The following CACNA2D3 variants were observed in gnomAD, a reference collection of about 807,000 sequenced individuals.
The protein encoded by CACNA2D3 is calcium voltage-gated channel auxiliary subunit alpha2delta 3.
A neutral mutation model predicts 160.6 loss-of-function variants in CACNA2D3; 60 were observed. That is an observed-to-expected ratio of 0.37 (90% CI 0.30 to 0.46). The LOEUF (loss-of-function observed/expected upper bound fraction) is 0.46. Ranked by LOEUF, CACNA2D3 falls within the 20% of genes least tolerant of loss-of-function variation. The pLI is 1.00. For missense variants in CACNA2D3, 1,205 were observed against 1,365.0 expected, an observed-to-expected ratio of 0.88 and a Z score of 1.85; for synonymous variants, 558 against 492.9, an observed-to-expected ratio of 1.13 and a Z score of -1.75.
At chr3:54,801,941 A>G (rs1037387373) in intron 13 of CACNA2D3, among the ~76,000 whole-genome samples, 5 of 152,222 alleles carry the variant, frequency 3.3e-5, no homozygotes, top group Non-Finnish European at 1.5e-5. Context: ...CATTTTACCC[A>G]TAAGTCTTTC....
At chr3:54,254,995 C>T (rs995714761) in intron 2 of CACNA2D3, among the ~76,000 whole-genome samples, 2 of 152,208 alleles carry the variant, frequency 1.3e-5, no homozygotes, top group South Asian at 4.1e-4. Flanking sequence ...TTGTCTACCT[C>T]CTGAATCTCT....
intron 31 of CACNA2D3, among the ~76,000 whole-genome samples, chr3:54,994,346 A>G (rs776260199): frequency 6.6e-6 from 1 of 152,148 alleles, no homozygotes; most frequent in Non-Finnish European, 1.5e-5. Flanking sequence ...GCTGATGTCT[A>G]ATACTCAACA....
intron 11 of CACNA2D3, among the ~76,000 whole-genome samples, chr3:54,703,130 G>T (rs1464455701): frequency 6.6e-6 from 1 of 152,028 alleles, no homozygotes; most frequent in African/African-American, 2.4e-5. Context: ...ACCTGGTATT[G>T]TGCTCACTAC....
intron 2 of CACNA2D3, among the ~76,000 whole-genome samples, chr3:54,186,592 A>G (rs544968087): frequency 6.6e-6 from 1 of 152,270 alleles, no homozygotes; most frequent in South Asian, 2.1e-4. Flanking sequence ...GGCCTTTACA[A>G]TATTTTTTCT....
chr3:54,244,521 C>T (rs2107412634), intron 2 of CACNA2D3, among the ~76,000 whole-genome samples: 2 of 152,244 alleles, frequency 1.3e-5, no homozygotes, highest in African/African-American at 4.8e-5. Flanking sequence ...AGCCAGGGTT[C>T]CCACTGTGGC....
intron 23 of CACNA2D3, 72 bp downstream of exon 23, chr3:54,885,658 G>A: frequency 8.7e-7 from 1 of 1,156,002 alleles, no homozygotes; most frequent in East Asian, 2.5e-5. Flanking sequence ...ACATTTTTTG[G>A]CCTCACTTGT....
chr3:54,652,444 AC>A (rs888541124), intron 11 of CACNA2D3, among the ~76,000 whole-genome samples: 16 of 152,334 alleles, frequency 1.1e-4, no homozygotes, highest in African/African-American at 3.6e-4. Flanking sequence ...AGTCTTCTGA[AC>A]AAGACAAACA....
rs1187520463 is a variant in CACNA2D3 at position 54,570,117 on chromosome 3, T to G, written c.888+13T>G. On this transcript the variant is annotated intron_variant, in intron 8 of 37. Coordinates refer to ENST00000474759, the MANE Select transcript of CACNA2D3 (RefSeq NM_018398.3). ...CAACATAATTGCTGTGAGTGCACCG[T>G]TTTGTGCCTTCTTTGCACTTGGGTT... 6.2e-7 allele frequency: 1 copy of G among 1,608,628 alleles called. No homozygotes were observed. The highest frequency in any genetic ancestry group is 2.2e-5 in the East Asian group (1 of 44,776).
Position 54,335,466 on chromosome 3 carries a change from G to A in CACNA2D3, c.321+14908G>A, listed in dbSNP as rs1251238939. Among the ~76,000 whole-genome samples, 4 of 152,192 alleles carry A rather than the reference G, an allele frequency of 2.6e-5. No individual in the cohort carries two copies. The East Asian group carries it at 5.8e-4, about 22-fold the overall frequency. On this transcript the variant is annotated intron_variant, in intron 3 of 37. Transcript: ENST00000474759. ...AGGGTAACTTCCTGACATTGCCATG[G>A]CATTTGTAAACTGTCATGGTGCTGG...
In CACNA2D3 at chr3:54,139,304, AG is replaced by A. The variant is rs1473498011; in HGVS notation, c.204+15713del. ...CTGCATCAGGTGTCTCTGTGAGTGG[AG>A]GGAGGCATGCACGGGCTGCTGTCCC... On this transcript the variant is annotated intron_variant, in intron 2 of 37. Coordinates refer to ENST00000474759, the MANE Select transcript of CACNA2D3 (RefSeq NM_018398.3). 6.6e-5 allele frequency among the ~76,000 whole-genome samples: 10 copies of A among 152,182 alleles called. No homozygotes were observed. In the East Asian group the frequency reaches 1.9e-3, roughly 29 times the overall value.
In CACNA2D3 at chr3:54,208,733, G is replaced by A. The variant is rs1481272077; in HGVS notation, c.204+85139G>A. The stretch of plus-strand genomic sequence containing the variant: ...GTTTTAGAGCATCACTGTGTAGGTG[G>A]TCATTAAAAAACCTTTTTTTTTTCA... On this transcript the variant is annotated intron_variant, in intron 2 of 37. Coordinates refer to ENST00000474759, the MANE Select transcript of CACNA2D3 (RefSeq NM_018398.3). Among the ~76,000 whole-genome samples, 4 of 127,238 alleles carry A rather than the reference G, an allele frequency of 3.1e-5. No individual in the cohort carries two copies. The East Asian group carries it at 9.8e-4, about 31-fold the overall frequency. 83.5% of individuals were successfully genotyped at this position (127,238 alleles called of 152,430 possible).
intron 14 of CACNA2D3, among the ~76,000 whole-genome samples, chr3:54,831,067 A>G (rs903233986): frequency 7.2e-5 from 11 of 152,232 alleles, no homozygotes; most frequent in Non-Finnish European, 1.6e-4. Flanking sequence ...AGCAACACAA[A>G]TGTAAGAGGA....
At chr3:55,025,411 C>A (rs1221888512) in intron 35 of CACNA2D3, among the ~76,000 whole-genome samples, 1 of 151,900 alleles carries the variant, frequency 6.6e-6, no homozygotes, top group East Asian at 1.9e-4. Context: ...GCAGGCGTAT[C>A]ACTTGAGGTC....
rs186896429 is a variant in CACNA2D3 at position 54,520,836 on chromosome 3, A to G, written c.544+17182A>G. On this transcript the variant is annotated intron_variant, in intron 5 of 37. Transcript: ENST00000474759. ...GTCCCTATAGATTTACCTTTTCTGGATATTTTAGATAAATGTAATCATATT... is the reference window on the plus strand; with the variant it reads ...GTCCCTATAGATTTACCTTTTCTGGGTATTTTAGATAAATGTAATCATATT... 2.0e-4 allele frequency among the ~76,000 whole-genome samples: 31 copies of G among 152,244 alleles called. No homozygotes were observed. In the East Asian group the frequency reaches 4.2e-3, roughly 21 times the overall value.
chr3:54,922,500 G>C (rs1350772629), intron 27 of CACNA2D3, among the ~76,000 whole-genome samples: 6 of 152,078 alleles, frequency 3.9e-5, no homozygotes, highest in African/African-American at 1.4e-4. Flanking sequence ...TGTGGCTCCT[G>C]TTGCTGGTTG....
intron 11 of CACNA2D3, among the ~76,000 whole-genome samples, chr3:54,738,922 C>T (rs896295014): frequency 1.3e-5 from 2 of 152,066 alleles, no homozygotes; most frequent in African/African-American, 4.8e-5. Flanking sequence ...GCGGCCGAGG[C>T]TATCTTGAGC....
chr3:54,793,059 A>G (rs567171461), intron 13 of CACNA2D3, among the ~76,000 whole-genome samples: 1 of 152,298 alleles, frequency 6.6e-6, no homozygotes, highest in South Asian at 2.1e-4. Context: ...ATGTCCAGTG[A>G]TGGGAGACTT....
chr3:55,006,214 T>A (rs1229110811), intron 32 of CACNA2D3, among the ~76,000 whole-genome samples: 4 of 152,222 alleles, frequency 2.6e-5, no homozygotes, highest in Non-Finnish European at 5.9e-5. Flanking sequence ...GATGATAATG[T>A]GCATTTAAAT....
intron 11 of CACNA2D3, among the ~76,000 whole-genome samples, chr3:54,693,345 A>T (rs1700602488): frequency 1.3e-5 from 2 of 152,162 alleles, no homozygotes; most frequent in Non-Finnish European, 2.9e-5. Flanking sequence ...TATTCCAGCC[A>T]CCTAGGCTGC....
Sources: gnomAD v4.1 joint callset for allele counts (sites outside exome capture counted in the v4.1 genomes callset) on GRCh38, gnomAD v4.1.1 for gene constraint, MANE v1.5 for transcripts, NCBI Gene and HGNC (gene_info 2026-07-23, HGNC 2026-07-21) for gene names.